Variants in STIM1 observed in about 807,000 individuals in gnomAD.
STIM1 encodes the protein stromal interaction molecule 1.
STIM1 carries 25 observed loss-of-function variants against 74.7 expected under a neutral mutation model. The observed-to-expected ratio is 0.33, with a 90% CI of 0.24 to 0.47. The LOEUF is 0.47. STIM1 is among the 20% of genes least tolerant of loss of function. The pLI is 1.00. For synonymous variants in STIM1, 328 were observed against 348.8 expected (o/e 0.94, Z 0.66); for missense variants, 728 against 920.8 (o/e 0.79, Z 2.71).
intron 1 of STIM1, among the ~76,000 whole-genome samples, chr11:3,906,005 G>A (rs2092459887): frequency 6.6e-6 from 1 of 152,190 alleles, no homozygotes; most frequent in Non-Finnish European, 1.5e-5. Flanking sequence ...AGTGGCTCTG[G>A]TGGTTTCAGG....
At chr11:3,891,524 A>G (rs999464020) in intron 1 of STIM1, among the ~76,000 whole-genome samples, 1 of 152,122 alleles carries the variant, frequency 6.6e-6, no homozygotes, top group Non-Finnish European at 1.5e-5. Context: ...ACTTCAGGCG[A>G]TCTTCTCACC....
intron 1 of STIM1, among the ~76,000 whole-genome samples, chr11:3,954,553 T>A (rs1481030622): frequency 6.6e-6 from 1 of 152,162 alleles, no homozygotes; most frequent in East Asian, 1.9e-4. Context: ...ATGAAAAATA[T>A]AGGTTGTTTT....
At chr11:3,958,871 G>A (rs551874054) in intron 1 of STIM1, among the ~76,000 whole-genome samples, 2 of 151,894 alleles carry the variant, frequency 1.3e-5, no homozygotes, top group East Asian at 3.9e-4. Flanking sequence ...CTTGAACCTG[G>A]GAGGCAGAGG....
At chr11:4,086,877 C>T (rs1461052406) in intron 12 of STIM1, 6 of 1,523,410 alleles carry the variant, frequency 3.9e-6, no homozygotes, top group South Asian at 3.6e-5. Context: ...AGCTGTCTCT[C>T]TTTTCTTTCT....
rs767651088 is a variant in STIM1 at position 3,978,439 on chromosome 11, C to T, written c.270+10757C>T. Among the ~76,000 whole-genome samples the T allele has an allele frequency of 4.3e-4, 65 of 150,592 alleles. 1 individual carries two copies. Among genetic ancestry groups the T allele is most frequent in the African/African-American group, 9.7e-4 (40 of 41,108 alleles). ...CTGGGATTACAGGTGTGAGCCACCA[C>T]GCCCGGCGCCTGTGTACTTTTAAAA... On this transcript the variant is annotated intron_variant, in intron 2 of 12. Transcript: ENST00000526596.
intron 3 of STIM1, among the ~76,000 whole-genome samples, chr11:4,054,402 C>T (rs1216393775): frequency 2.0e-5 from 3 of 152,170 alleles, no homozygotes; most frequent in Non-Finnish European, 4.4e-5. Flanking sequence ...CAGGGGTCCC[C>T]AACCCCTGGG....
At chr11:4,053,789 A>G (rs1025378208) in intron 3 of STIM1, among the ~76,000 whole-genome samples, 2 of 152,154 alleles carry the variant, frequency 1.3e-5, no homozygotes, top group East Asian at 3.8e-4. Flanking sequence ...AAAAAATTTT[A>G]ATAGAGACAG....
At chr11:4,068,152 G>A (rs1329341839) in intron 5 of STIM1, among the ~76,000 whole-genome samples, 1 of 152,208 alleles carries the variant, frequency 6.6e-6, no homozygotes. Context: ...GTGACTGTTA[G>A]ATCTTATCCT....
chr11:4,082,801 C>T (rs1421061335), intron 8 of STIM1, 81 bp from the exon 9 acceptor site: 5 of 1,180,330 alleles, frequency 4.2e-6, no homozygotes, highest in Non-Finnish European at 5.1e-6. Flanking sequence ...GGAGTGGGCC[C>T]CAGCCATAGG....
At chr11:3,901,180 C>CA (rs1324796074) in intron 1 of STIM1, among the ~76,000 whole-genome samples, 2 of 151,594 alleles carry the variant, frequency 1.3e-5, no homozygotes, top group Non-Finnish European at 2.9e-5. Context: ...GACTCAGCCT[C>CA]AAAAAAATAA....
intron 1 of STIM1, among the ~76,000 whole-genome samples, chr11:3,900,139 C>T (rs1402826442): frequency 6.6e-6 from 1 of 152,156 alleles, no homozygotes; most frequent in African/African-American, 2.4e-5. Flanking sequence ...TGGGCAATGG[C>T]AGACGACCCT....
At chr11:3,990,933 A>G (rs1303707436) in intron 2 of STIM1, among the ~76,000 whole-genome samples, 3 of 152,130 alleles carry the variant, frequency 2.0e-5, no homozygotes, top group African/African-American at 7.2e-5. Context: ...GTAGCATCCA[A>G]TGGGAATTTT....
At chr11:4,046,210 A>T (rs972484461) in intron 3 of STIM1, among the ~76,000 whole-genome samples, 14 of 151,838 alleles carry the variant, frequency 9.2e-5, no homozygotes, top group African/African-American at 3.1e-4. Flanking sequence ...GATCACAGGC[A>T]CGCACCACCC....
At chr11:4,051,940 T>C (rs1458292505) in intron 3 of STIM1, among the ~76,000 whole-genome samples, 2 of 152,190 alleles carry the variant, frequency 1.3e-5, no homozygotes, top group Non-Finnish European at 2.9e-5. Flanking sequence ...GCAAAAATCA[T>C]AAGCATTCCT....
chr11:3,951,677 G>C (rs1047202480), intron 1 of STIM1, among the ~76,000 whole-genome samples: 1 of 152,078 alleles, frequency 6.6e-6, no homozygotes. Context: ...AATCTTAGAG[G>C]GTCCACTGAT....
At position 4,055,626 on chromosome 11, in the gene STIM1, T is replaced by C. The variant is rs201882860; in HGVS notation, c.486T>C (p.His162=). ...ETFRKLQLSG[H]AMPRLAVTNT... is the part of the protein sequence containing the mutation. Reference sequence around the variant, plus strand: ...TCCGGAAGCTGCAGCTCAGTGGCCATGCCATGCCAAGGTCAGGAGGGGACT... The same window carrying C: ...TCCGGAAGCTGCAGCTCAGTGGCCACGCCATGCCAAGGTCAGGAGGGGACT... Residue 162 remains histidine (H), a synonymous_variant, in exon 4 of 13, where the codon CAT becomes CAC. Coordinates refer to ENST00000526596, the MANE Select transcript of STIM1 (RefSeq NM_001382567.1). 7 of 1,586,838 alleles carry C rather than the reference T, an allele frequency of 4.4e-6. No individual in the cohort carries two copies. Among genetic ancestry groups the C allele is most frequent in the Non-Finnish European group, 6.0e-6 (7 of 1,166,768 alleles).
At chr11:4,015,114 C>G (rs189384478) in intron 2 of STIM1, among the ~76,000 whole-genome samples, 242 of 152,192 alleles carry the variant, frequency 1.6e-3, no homozygotes, top group African/African-American at 5.4e-3. Context: ...GGTTATTTTG[C>G]CCATTAATTG....
At chr11:3,924,343 C>A (rs2092760740) in intron 1 of STIM1, among the ~76,000 whole-genome samples, 1 of 151,226 alleles carries the variant, frequency 6.6e-6, no homozygotes, top group Non-Finnish European at 1.5e-5. Context: ...GGACTACAGG[C>A]GCCCACCACC....
At chr11:3,931,795 C>T (rs1294638370) in intron 1 of STIM1, among the ~76,000 whole-genome samples, 4 of 152,262 alleles carry the variant, frequency 2.6e-5, no homozygotes, top group Non-Finnish European at 4.4e-5. Flanking sequence ...CACCTGAATG[C>T]ATGTTCCAAG....
Sources: allele counts gnomAD v4.1 joint callset (sites outside exome capture counted in the v4.1 genomes callset), GRCh38; gene constraint gnomAD v4.1.1; transcripts MANE v1.5; gene names NCBI Gene and HGNC (gene_info 2026-07-23, HGNC 2026-07-21).